DSCAML1: variants seen among roughly 807,000 people sequenced by gnomAD.
The protein encoded by DSCAML1 is DS cell adhesion molecule like 1.
A neutral mutation model predicts 200.5 loss-of-function variants in DSCAML1; 38 were observed. The ratio of observed to expected loss-of-function variants is 0.19; its 90% CI spans 0.15 to 0.25. The LOEUF (loss-of-function observed/expected upper bound fraction) is 0.25, where lower values mean the gene tolerates loss of function less well. Among genes scored for constraint, DSCAML1 ranks in the 10% least tolerant of loss-of-function variants. DSCAML1 has a pLI of 1.00. For missense variants in DSCAML1, 2,223 were observed against 2,858.8 expected (o/e 0.78, Z 5.07); for synonymous variants, 1,215 against 1,165.0 (o/e 1.04, Z -0.87).
chr11:117,768,430 G>A (rs914192053), intron 3 of DSCAML1, among the ~76,000 whole-genome samples: 2 of 152,176 alleles, frequency 1.3e-5, no homozygotes, highest in Admixed American at 6.5e-5. Context: ...TGTGACTCCA[G>A]GACCACCACC....
chr11:117,749,806 G>A (rs2054575890), intron 3 of DSCAML1, among the ~76,000 whole-genome samples: 1 of 152,278 alleles, frequency 6.6e-6, no homozygotes, highest in Non-Finnish European at 1.5e-5. Flanking sequence ...CAGGAGGGCA[G>A]GGCCTCCCCT....
intron 3 of DSCAML1, among the ~76,000 whole-genome samples, chr11:117,572,883 T>TG (rs2050870053): frequency 6.6e-6 from 1 of 152,154 alleles, no homozygotes; most frequent in South Asian, 2.1e-4. Flanking sequence ...TCTCAGAATG[T>TG]GGGGTCAATC....
Position 117,525,061 on chromosome 11 carries a change from G to A in DSCAML1, c.681C>T (p.Thr227=). Residue 227 remains threonine (T), a synonymous_variant, in exon 5 of 33, where the codon ACC becomes ACT. Coordinates refer to ENST00000651296, the MANE Select transcript of DSCAML1 (RefSeq NM_020693.4). ...SVTDPAESIP[T]ILDGFHSQEV... is the part of the protein sequence containing the mutation. ...CCTGGGAGTGGAAGCCATCCAGGAT[G>A]GTGGGGATCGACTCAGCAGGGTCTG... The A allele has an allele frequency of 1.3e-6, 2 of 1,575,838 alleles. No individual in the cohort carries two copies. The highest frequency in any genetic ancestry group is 1.7e-6 in the Non-Finnish European group (2 of 1,163,420).
chr11:117,553,600 G>T (rs754857781), intron 3 of DSCAML1, among the ~76,000 whole-genome samples: 1 of 152,226 alleles, frequency 6.6e-6, no homozygotes, highest in Non-Finnish European at 1.5e-5. Context: ...CATGAGGATA[G>T]CTATTATTAA....
At chr11:117,475,841 G>A (rs1592636475) in intron 14 of DSCAML1, among the ~76,000 whole-genome samples, 1 of 151,878 alleles carries the variant, frequency 6.6e-6, no homozygotes, top group African/African-American at 2.4e-5. Context: ...ATTTGACCTT[G>A]TGTTCCCAAA....
At chr11:117,592,820 G>A (rs1000161791) in intron 3 of DSCAML1, among the ~76,000 whole-genome samples, 19 of 152,178 alleles carry the variant, frequency 1.2e-4, no homozygotes, top group Non-Finnish European at 1.9e-4. Context: ...CCTGGCACCC[G>A]GGCAGTCTGC....
At chr11:117,632,186 CTTG>C (rs879873181) in intron 3 of DSCAML1, among the ~76,000 whole-genome samples, 12 of 152,224 alleles carry the variant, frequency 7.9e-5, no homozygotes, top group Admixed American at 5.2e-4. Flanking sequence ...CAGCAGTAAA[CTTG>C]TTGTAGCCTT....
At chr11:117,769,249 T>C (rs2054967807) in intron 3 of DSCAML1, among the ~76,000 whole-genome samples, 1 of 8,276 alleles carries the variant, frequency 1.2e-4, no homozygotes, top group African/African-American at 1.9e-4. Flanking sequence ...TTTATATATG[T>C]ATATATTATA....
At chr11:117,790,857 A>G (rs570259070) in intron 1 of DSCAML1, among the ~76,000 whole-genome samples, 8 of 152,336 alleles carry the variant, frequency 5.3e-5, no homozygotes, top group Non-Finnish European at 1.2e-4. Flanking sequence ...GTTCTTTCCA[A>G]CACACAGACA....
At chr11:117,805,094 C>T (rs2055698496) in intron 1 of DSCAML1, among the ~76,000 whole-genome samples, 1 of 152,218 alleles carries the variant, frequency 6.6e-6, no homozygotes, top group Non-Finnish European at 1.5e-5. Context: ...TCACTCTGGA[C>T]CACTATCCCA....
chr11:117,746,429 G>A lies in DSCAML1; in HGVS notation c.511+30362C>T, dbSNP rs188514999. 1.2e-3 allele frequency among the ~76,000 whole-genome samples: 177 copies of A among 152,180 alleles called. 1 individual carries two copies. The highest frequency in any genetic ancestry group is 4.0e-3 in the African/African-American group (167 of 41,520). ...TGGTTGAGGTGCAGTGCCTTGGCACGCTGCTCTGTGGCTTCCTCTCTGCCT... is the reference window on the plus strand; with the variant it reads ...TGGTTGAGGTGCAGTGCCTTGGCACACTGCTCTGTGGCTTCCTCTCTGCCT... On this transcript the variant is annotated intron_variant, in intron 3 of 32. Transcript: ENST00000651296.
At chr11:117,519,471 C>T (rs183907171) in intron 6 of DSCAML1, among the ~76,000 whole-genome samples, 230 of 152,320 alleles carry the variant, frequency 1.5e-3, no homozygotes, top group Non-Finnish European at 2.4e-3. Context: ...TAATTATTAA[C>T]CCTGGCCATC....
chr11:117,738,799 A>G (rs1396561848), intron 3 of DSCAML1, among the ~76,000 whole-genome samples: 1 of 152,192 alleles, frequency 6.6e-6, no homozygotes, highest in African/African-American at 2.4e-5. Flanking sequence ...GTATAACTGT[A>G]TCTCTATTTT....
intron 3 of DSCAML1, among the ~76,000 whole-genome samples, chr11:117,588,979 A>G (rs140700391): frequency 1.3e-5 from 2 of 152,286 alleles, no homozygotes; most frequent in African/African-American, 2.4e-5. Context: ...CATCGACCCA[A>G]ATAAAATAAG....
In DSCAML1 at chr11:117,454,087, C is replaced by T. The variant is rs899456159; in HGVS notation, c.3569-3399G>A. On this transcript the variant is annotated intron_variant, in intron 19 of 32. Coordinates refer to ENST00000651296, the MANE Select transcript of DSCAML1 (RefSeq NM_020693.4). ...TTGATATCTTTCATCAGTTTTGAAA[C>T]ATTTTCAGACATTTTATCTTCCGCT... 1.2e-3 allele frequency among the ~76,000 whole-genome samples: 176 copies of T among 152,148 alleles called. 2 individuals carry two copies.
In DSCAML1 at chr11:117,785,758, T is replaced by C. The variant is rs114698899; in HGVS notation, c.47-4948A>G. Among the ~76,000 whole-genome samples the C allele has an allele frequency of 2.3e-3, 351 of 152,252 alleles. 1 individual carries two copies. Among genetic ancestry groups the C allele is most frequent in the African/African-American group, 8.1e-3 (338 of 41,540 alleles). ...GTGGAGTCCCCAAAAGAAAGGAGAC[T>C]CACATTTTGCAGCACCTTCTTGTGC... On this transcript the variant is annotated intron_variant, in intron 1 of 32. Coordinates refer to ENST00000651296, the MANE Select transcript of DSCAML1 (RefSeq NM_020693.4).
At chr11:117,431,779 C>T in intron 30 of DSCAML1, 51 bp from the exon 31 acceptor site, 3 of 1,486,488 alleles carry the variant, frequency 2.0e-6, no homozygotes, top group Non-Finnish European at 2.7e-6. Context: ...GGCACCCAGG[C>T]TTGGGCAGCT....
chr11:117,563,984 G>A (rs895632609), intron 3 of DSCAML1, among the ~76,000 whole-genome samples: 1 of 152,182 alleles, frequency 6.6e-6, no homozygotes, highest in Non-Finnish European at 1.5e-5. Flanking sequence ...GGTGGTGAAA[G>A]TGCCAAGAAG....
rs536986841 is a variant in DSCAML1 at position 117,459,802 on chromosome 11, AC to A, written c.3413-894del. The stretch of plus-strand genomic sequence containing the variant: ...GCCTCGTAGACATGAGTTCCTGGAG[AC>A]CCCCCTCCCAGCACCTCGCGGATGG... On this transcript the variant is annotated intron_variant, in intron 18 of 32. Coordinates refer to ENST00000651296, the MANE Select transcript of DSCAML1 (RefSeq NM_020693.4). Among the ~76,000 whole-genome samples, 20 of 151,958 alleles carry A rather than the reference AC, an allele frequency of 1.3e-4. 1 individual carries two copies. In the East Asian group the frequency reaches 3.7e-3, roughly 28 times the overall value.
Sources: gnomAD v4.1 joint callset for allele counts (sites outside exome capture counted in the v4.1 genomes callset) on GRCh38, gnomAD v4.1.1 for gene constraint, MANE v1.5 for transcripts, NCBI Gene and HGNC (gene_info 2026-07-23, HGNC 2026-07-21) for gene names.